GRIK4: variants seen among roughly 807,000 people sequenced by gnomAD.
GRIK4 encodes the protein glutamate ionotropic receptor kainate type subunit 4.
GRIK4 carries 40 observed loss-of-function variants against 104.9 expected under a neutral mutation model. The observed-to-expected ratio is 0.38, with a 90% CI of 0.30 to 0.50. The LOEUF (loss-of-function observed/expected upper bound fraction) is 0.50. Ranked by LOEUF, GRIK4 falls within the 20% of genes least tolerant of loss-of-function variation. The pLI is 0.93. For missense variants in GRIK4, 1,047 were observed against 1,308.1 expected (o/e 0.80, Z 3.08); for synonymous variants, 485 against 524.9 (o/e 0.92, Z 1.04).
chr11:120,795,802 G>A (rs1452730662), intron 3 of GRIK4, among the ~76,000 whole-genome samples: 2 of 152,124 alleles, frequency 1.3e-5, no homozygotes, highest in Non-Finnish European at 2.9e-5. Context: ...ATCCACTGGG[G>A]ATTGGTTCCA....
intron 9 of GRIK4, among the ~76,000 whole-genome samples, chr11:120,865,125 C>A (rs1219764415): frequency 2.0e-5 from 3 of 152,194 alleles, no homozygotes; most frequent in South Asian, 2.1e-4. Context: ...TATCAGGTAG[C>A]TTTTGCTACA....
At chr11:120,982,850 A>G (rs1944674608) in intron 20 of GRIK4, among the ~76,000 whole-genome samples, 2 of 152,178 alleles carry the variant, frequency 1.3e-5, no homozygotes, top group Non-Finnish European at 2.9e-5. Flanking sequence ...AGCAGGACAA[A>G]CAGTGCCCCT....
intron 13 of GRIK4, among the ~76,000 whole-genome samples, chr11:120,935,148 A>C (rs1943569481): frequency 6.6e-6 from 1 of 152,204 alleles, no homozygotes; most frequent in South Asian, 2.1e-4. Flanking sequence ...GGGATTTGAC[A>C]GCTGGAAAGG....
chr11:120,765,609 G>A (rs1363889303), intron 3 of GRIK4, among the ~76,000 whole-genome samples: 1 of 152,102 alleles, frequency 6.6e-6, no homozygotes, highest in Non-Finnish European at 1.5e-5. Flanking sequence ...TCTACCTTTG[G>A]TCTTTGCTGC....
chr11:120,576,687 A>G (rs1948488943), intron 1 of GRIK4: 1 of 152,450 alleles, frequency 6.6e-6, no homozygotes, highest in African/African-American at 2.4e-5. Context: ...CAGCCACCCT[A>G]GACAGGGGCA....
intron 8 of GRIK4, among the ~76,000 whole-genome samples, chr11:120,840,518 A>G (rs1314458584): frequency 6.6e-6 from 1 of 152,136 alleles, no homozygotes; most frequent in Non-Finnish European, 1.5e-5. Flanking sequence ...ATGAGGTCCA[A>G]ATCGTGAGAA....
At chr11:120,920,811 T>C (rs372703692) in intron 13 of GRIK4, among the ~76,000 whole-genome samples, 15 of 151,652 alleles carry the variant, frequency 9.9e-5, no homozygotes, top group Non-Finnish European at 1.9e-4. Flanking sequence ...ACATCTTCAA[T>C]GAGCATAAAC....
chr11:120,626,020 T>A (rs1048772635), intron 1 of GRIK4, among the ~76,000 whole-genome samples: 1 of 152,170 alleles, frequency 6.6e-6, no homozygotes, highest in Non-Finnish European at 1.5e-5. Flanking sequence ...GAGGATGAAA[T>A]TAAAGGCTTT....
At chr11:120,550,626 G>A (rs1172867979) in intron 1 of GRIK4, among the ~76,000 whole-genome samples, 2 of 152,118 alleles carry the variant, frequency 1.3e-5, no homozygotes, top group Non-Finnish European at 1.5e-5. Flanking sequence ...GGACATGGAG[G>A]AGGAGTGGCC....
chr11:120,725,077 T>C (rs565685936), intron 3 of GRIK4, among the ~76,000 whole-genome samples: 1 of 152,360 alleles, frequency 6.6e-6, no homozygotes, highest in South Asian at 2.1e-4. Context: ...TTATGTGGAT[T>C]TTTGAAAACA....
intron 3 of GRIK4, among the ~76,000 whole-genome samples, chr11:120,710,084 C>T (rs868800891): frequency 1.3e-5 from 2 of 152,120 alleles, no homozygotes; most frequent in Non-Finnish European, 2.9e-5. Flanking sequence ...CAGTAGTCAG[C>T]GCGAGACAAG....
chr11:120,967,280 G>T lies in GRIK4; in HGVS notation c.2352G>T (p.Trp784Cys). Residue 784 changes from tryptophan to cysteine, a missense_variant, in exon 19 of 21, where the codon TGG becomes TGT. Transcript: ENST00000527524. The surrounding 1 kb of genome is among the most constrained non-coding windows in gnomAD (Gnocchi z 4.2). Reference protein sequence around the residue: ...NRLEILKRKWWEGGKCPKEED... With the variant: ...NRLEILKRKWCEGGKCPKEED... Reference sequence around the variant, plus strand: ...TGGAGATCCTGAAGCGCAAATGGTGGGAAGGAGGGAAGTGCCCCAAGGAGG... The same window carrying T: ...TGGAGATCCTGAAGCGCAAATGGTGTGAAGGAGGGAAGTGCCCCAAGGAGG... 1 of 1,613,954 alleles carries T rather than the reference G, an allele frequency of 6.2e-7. No homozygotes were observed. Among genetic ancestry groups the T allele is most frequent in the Non-Finnish European group, 8.5e-7 (1 of 1,179,896 alleles).
intron 1 of GRIK4, among the ~76,000 whole-genome samples, chr11:120,636,482 A>G (rs1479684910): frequency 1.3e-5 from 2 of 152,230 alleles, no homozygotes; most frequent in African/African-American, 4.8e-5. Flanking sequence ...TTGATATCTA[A>G]GAAGAGCAGT....
intron 8 of GRIK4, among the ~76,000 whole-genome samples, chr11:120,853,070 G>A (rs1443981253): frequency 6.6e-6 from 1 of 152,146 alleles, no homozygotes; most frequent in East Asian, 1.9e-4. Flanking sequence ...TCTTTCAAAT[G>A]GCATCTAGTC....
At chr11:120,888,917 C>A (rs1257449060) in intron 11 of GRIK4, among the ~76,000 whole-genome samples, 1 of 152,204 alleles carries the variant, frequency 6.6e-6, no homozygotes, top group Non-Finnish European at 1.5e-5. Flanking sequence ...AACTGAGTTG[C>A]AGGCTTAATA....
intron 3 of GRIK4, among the ~76,000 whole-genome samples, chr11:120,794,096 T>C (rs1351348981): frequency 9.1e-6 from 1 of 109,982 alleles, no homozygotes; most frequent in Admixed American, 8.9e-5. Context: ...GAGGGGCGGG[T>C]GTTAGGGCTG....
At chr11:120,912,541 C>T (rs775490903) in intron 13 of GRIK4, among the ~76,000 whole-genome samples, 4 of 152,146 alleles carry the variant, frequency 2.6e-5, no homozygotes, top group Non-Finnish European at 5.9e-5. Flanking sequence ...CTGAGCAATA[C>T]GGGGGTCACC....
chr11:120,821,467 G>A (rs774947525), intron 6 of GRIK4, among the ~76,000 whole-genome samples: 48 of 152,228 alleles, frequency 3.2e-4, no homozygotes, highest in Non-Finnish European at 6.3e-4. Context: ...AGGTAGCAGA[G>A]ATCCTTGTAG....
chr11:120,689,876 G>A (rs1304098685), intron 3 of GRIK4, among the ~76,000 whole-genome samples: 1 of 152,118 alleles, frequency 6.6e-6, no homozygotes, highest in Non-Finnish European at 1.5e-5. Flanking sequence ...TCATCTCCAT[G>A]GTCTCCACCA....
Sources: gnomAD v4.1 joint callset for allele counts (sites outside exome capture counted in the v4.1 genomes callset) on GRCh38, gnomAD v4.1.1 for gene constraint, Gnocchi (gnomAD v3.1) non-coding constraint, MANE v1.5 for transcripts, NCBI Gene and HGNC (gene_info 2026-07-23, HGNC 2026-07-21) for gene names.